RPTOR: variants seen among roughly 807,000 people sequenced by gnomAD.
The protein encoded by RPTOR is regulatory associated protein of MTOR complex 1, also known as regulatory-associated protein of mTOR.
RPTOR carries 21 observed loss-of-function variants against 169.9 expected under a neutral mutation model. That is an observed-to-expected ratio of 0.12 (90% CI 0.09 to 0.18). The LOEUF is 0.18. RPTOR is among the 10% of genes least tolerant of loss of function. RPTOR has a pLI of 1.00. For synonymous variants in RPTOR, 732 were observed against 753.2 expected (o/e 0.97, Z 0.46); for missense variants, 1,133 against 1,855.9 (o/e 0.61, Z 7.16).
At chr17:80,700,754 ATGATGG>A (rs2066090759) in intron 3 of RPTOR, among the ~76,000 whole-genome samples, 1 of 22,434 alleles carries the variant, frequency 4.5e-5, no homozygotes, top group African/African-American at 1.5e-4. Flanking sequence ...GGTGGTGGTG[ATGATGG>A]TGATGGTGAT....
Position 80,707,739 on chromosome 17 carries a change from C to A in RPTOR, c.349-102C>A. On this transcript the variant is annotated intron_variant, in intron 3 of 33. Transcript: ENST00000306801. This position sits in a 1 kb window ranked among gnomAD's most constrained non-coding sequence, Gnocchi z 5.0. ...AAACTCAGAGCCATGTGTCCAGGACCACACAGCTATTAACTGCAAACCCAG... is the reference window on the plus strand; with the variant it reads ...AAACTCAGAGCCATGTGTCCAGGACAACACAGCTATTAACTGCAAACCCAG... 2.6e-6 allele frequency: 3 copies of A among 1,133,790 alleles called. No individual in the cohort carries two copies. Among genetic ancestry groups the A allele is most frequent in the Non-Finnish European group, 2.5e-6 (2 of 794,070 alleles). The allele number at this position is 1,133,790 out of a possible 1,614,324, so 70.2% of individuals were successfully genotyped here. A position where few individuals can be genotyped will look rare whatever the true frequency, so the allele number is the denominator to read the frequency against.
At chr17:80,643,253 C>T (rs376621845) in intron 2 of RPTOR, among the ~76,000 whole-genome samples, 6 of 149,514 alleles carry the variant, frequency 4.0e-5, no homozygotes, top group East Asian at 1.9e-4. Context: ...ATTTGTGAAA[C>T]GGATTTTTTT....
chr17:80,801,528 G>C (rs1402185545), intron 7 of RPTOR: 7 of 152,162 alleles, frequency 4.6e-5, no homozygotes, highest in African/African-American at 1.7e-4. Context: ...GGGTTTGGGG[G>C]GGCAGCACTC....
intron 23 of RPTOR, chr17:80,924,195 C>T (rs551973057): frequency 8.6e-4 from 133 of 153,940 alleles, no homozygotes; most frequent in South Asian, 6.2e-4. Flanking sequence ...GAGAGGAATG[C>T]CTGCTTTGTT....
chr17:80,555,569 C>T (rs537128717), intron 1 of RPTOR, among the ~76,000 whole-genome samples: 1 of 152,296 alleles, frequency 6.6e-6, no homozygotes, highest in African/African-American at 2.4e-5. Flanking sequence ...GCGCTGCTGC[C>T]TAGACAGACT....
At chr17:80,639,894 C>T (rs1305687728) in intron 2 of RPTOR, among the ~76,000 whole-genome samples, 2 of 152,188 alleles carry the variant, frequency 1.3e-5, no homozygotes, top group Non-Finnish European at 2.9e-5. Flanking sequence ...AAAGCTGCAC[C>T]CCTTCAGGTT....
intron 3 of RPTOR, among the ~76,000 whole-genome samples, chr17:80,688,449 G>A (rs1296767612): frequency 6.6e-6 from 1 of 152,188 alleles, no homozygotes; most frequent in Non-Finnish European, 1.5e-5. Flanking sequence ...GAAGGTAAAT[G>A]GTTCAGTATT....
intron 20 of RPTOR, among the ~76,000 whole-genome samples, chr17:80,904,872 A>G (rs1342574909): frequency 6.6e-6 from 1 of 152,240 alleles, no homozygotes; most frequent in Admixed American, 6.5e-5. Flanking sequence ...TTACTAGTAC[A>G]TAGTTATAAA....
chr17:80,786,394 A>G (rs1024146847), intron 6 of RPTOR, among the ~76,000 whole-genome samples: 4 of 152,204 alleles, frequency 2.6e-5, no homozygotes, highest in Non-Finnish European at 2.9e-5. Flanking sequence ...ACAGCATTCA[A>G]TAGTTATTTG....
chr17:80,660,116 C>A (rs947585946), intron 3 of RPTOR, among the ~76,000 whole-genome samples: 4 of 151,766 alleles, frequency 2.6e-5, no homozygotes, highest in Admixed American at 2.0e-4. Flanking sequence ...ACTAAAAATG[C>A]AAAAATTAGC....
chr17:80,557,586 T>C (rs972253055), intron 1 of RPTOR, among the ~76,000 whole-genome samples: 5 of 152,054 alleles, frequency 3.3e-5, no homozygotes, highest in Non-Finnish European at 4.4e-5. Context: ...TCTACAATAC[T>C]TGTTTCAGGA....
In RPTOR at chr17:80,723,389, A is replaced by G. The variant is rs150821509; in HGVS notation, c.508-7171A>G. Reference sequence around the variant, plus strand: ...CGTTTAGTAACTGGAATTCTTCTGTATGAAAGAATTGTTGCTTCTCTTGTT... The same window carrying G: ...CGTTTAGTAACTGGAATTCTTCTGTGTGAAAGAATTGTTGCTTCTCTTGTT... On this transcript the variant is annotated intron_variant, in intron 4 of 33. Coordinates refer to ENST00000306801, the MANE Select transcript of RPTOR (RefSeq NM_020761.3). Among the ~76,000 whole-genome samples, 107 of 151,324 alleles carry G rather than the reference A, an allele frequency of 7.1e-4. 9 individuals carry two copies. Among genetic ancestry groups the G allele is most frequent in the African/African-American group, 2.6e-3 (106 of 40,650 alleles).
chr17:80,868,760 C>T (rs2068020144), intron 13 of RPTOR, among the ~76,000 whole-genome samples: 1 of 152,208 alleles, frequency 6.6e-6, no homozygotes. Context: ...AAGCAAACTG[C>T]AATCTTTCCA....
intron 13 of RPTOR, among the ~76,000 whole-genome samples, chr17:80,872,309 C>G (rs910729702): frequency 6.6e-5 from 10 of 152,224 alleles, no homozygotes; most frequent in African/African-American, 2.2e-4. Flanking sequence ...TAGCCATCCT[C>G]CTAGTTCCAT....
intron 17 of RPTOR, among the ~76,000 whole-genome samples, chr17:80,888,667 A>G (rs957773375): frequency 6.6e-6 from 1 of 152,176 alleles, no homozygotes; most frequent in Non-Finnish European, 1.5e-5. Flanking sequence ...CACGGTTAGA[A>G]ACTAACCATG....
intron 2 of RPTOR, among the ~76,000 whole-genome samples, chr17:80,637,261 C>A (rs1357285392): frequency 6.6e-6 from 1 of 152,208 alleles, no homozygotes; most frequent in Non-Finnish European, 1.5e-5. Flanking sequence ...CCATGCCCAG[C>A]GTGGCTCTGG....
intron 1 of RPTOR, among the ~76,000 whole-genome samples, chr17:80,617,434 GACATAT>G (rs2065320237): frequency 6.6e-6 from 1 of 152,132 alleles, no homozygotes; most frequent in African/African-American, 2.4e-5. Flanking sequence ...TTTTGTAAAG[GACATAT>G]ACTATTTTAT....
At chr17:80,902,442 C>G (rs548135890) in intron 20 of RPTOR, among the ~76,000 whole-genome samples, 2 of 152,332 alleles carry the variant, frequency 1.3e-5, no homozygotes, top group South Asian at 4.1e-4. Context: ...GGTTGCCTGG[C>G]CCACCGCCAG....
intron 4 of RPTOR, among the ~76,000 whole-genome samples, chr17:80,717,193 C>A (rs1372880609): frequency 6.6e-6 from 1 of 152,128 alleles, no homozygotes; most frequent in Admixed American, 6.5e-5. Context: ...GTGGCATGCA[C>A]CCCTCTCCTT....
Sources: allele counts gnomAD v4.1 joint callset (sites outside exome capture counted in the v4.1 genomes callset), GRCh38; gene constraint gnomAD v4.1.1; non-coding constraint Gnocchi (gnomAD v3.1); transcripts MANE v1.5; gene names NCBI Gene and HGNC (gene_info 2026-07-23, HGNC 2026-07-21).